Variants in RPTOR observed in about 807,000 individuals in gnomAD.
The protein encoded by RPTOR is regulatory associated protein of MTOR complex 1, also known as regulatory-associated protein of mTOR.
RPTOR carries 21 observed loss-of-function variants against 169.9 expected under a neutral mutation model. That is an observed-to-expected ratio of 0.12 (90% CI 0.09 to 0.18). RPTOR has a LOEUF of 0.18. RPTOR is among the 10% of genes least tolerant of loss of function. The probability of loss-of-function intolerance (pLI) is 1.00; values close to 1 mark genes in which losing one functional copy is unlikely to be tolerated. For synonymous variants in RPTOR, 732 were observed against 753.2 expected, an observed-to-expected ratio of 0.97 and a Z score of 0.46; for missense variants, 1,133 against 1,855.9, an observed-to-expected ratio of 0.61 and a Z score of 7.16.
chr17:80,962,853 G>A (rs533558522), intron 32 of RPTOR, 75 bp from the exon 33 acceptor site: 53 of 1,595,836 alleles, frequency 3.3e-5, no homozygotes, highest in Middle Eastern at 3.4e-4. Flanking sequence ...CTGTCCCCGC[G>A]GTCTCGGCAT....
intron 3 of RPTOR, among the ~76,000 whole-genome samples, chr17:80,657,970 A>G (rs2065692674): frequency 2.6e-5 from 4 of 152,148 alleles, no homozygotes; most frequent in Admixed American, 2.6e-4. Flanking sequence ...TAAGCTACAT[A>G]TTTGTTTCGT....
rs578192504 is a variant in RPTOR, at chr17:80,707,970, G to T, written c.478G>T (p.Val160Phe). Residue 160 changes from valine (V) to phenylalanine (F), a missense_variant, in exon 4 of 34, where the codon GTC becomes TTC. Transcript: ENST00000306801. The surrounding 1 kb of genome is among the most constrained non-coding windows in gnomAD (Gnocchi z 5.0). ...YNGHGVPRPT[V>F]NGEVWVFNKN... ...TGGCCACGGGGTGCCCCGGCCCACA[G>T]TCAACGGGGAGGTCTGGGTCTTCAA... The T allele has an allele frequency of 2.5e-6, 4 of 1,613,584 alleles. No homozygotes were observed. The highest frequency in any genetic ancestry group is 2.2e-5 in the South Asian group (2 of 91,016).
intron 6 of RPTOR, among the ~76,000 whole-genome samples, chr17:80,787,559 G>A (rs1048768504): frequency 2.0e-5 from 3 of 152,228 alleles, no homozygotes; most frequent in African/African-American, 7.2e-5. Context: ...CCGGATCATA[G>A]TGTATAGGAA....
intron 20 of RPTOR, among the ~76,000 whole-genome samples, chr17:80,904,398 ACT>A (rs1435542169): frequency 1.3e-5 from 2 of 151,670 alleles, no homozygotes; most frequent in Non-Finnish European, 2.9e-5. Flanking sequence ...CTGCAGGAAG[ACT>A]CTGTCTTCTC....
At position 80,575,236 on chromosome 17, in the gene RPTOR, C is replaced by T. The variant is rs550429597; in HGVS notation, c.162+29445C>T. ...CCCAGGCTGGTCTTGAATCCTGGCTCCTTCCGCCTTGGCCTCCCAAAGTGC... is the reference window on the plus strand; with the variant it reads ...CCCAGGCTGGTCTTGAATCCTGGCTTCTTCCGCCTTGGCCTCCCAAAGTGC... On this transcript the variant is annotated intron_variant, in intron 1 of 33. Coordinates refer to ENST00000306801, the MANE Select transcript of RPTOR (RefSeq NM_020761.3). Among the ~76,000 whole-genome samples the T allele has an allele frequency of 4.0e-4, 61 of 152,114 alleles. 1 individual carries two copies. Among genetic ancestry groups the T allele is most frequent in the African/African-American group, 1.4e-3 (57 of 41,476 alleles).
chr17:80,583,920 G>A (rs922538330), intron 1 of RPTOR, among the ~76,000 whole-genome samples: 3 of 152,140 alleles, frequency 2.0e-5, no homozygotes, highest in African/African-American at 7.2e-5. Context: ...AGGCAGTGGC[G>A]GAGGGTGTCC....
intron 7 of RPTOR, among the ~76,000 whole-genome samples, chr17:80,807,655 C>A (rs1436513478): frequency 6.6e-6 from 1 of 151,988 alleles, no homozygotes; most frequent in African/African-American, 2.4e-5. Flanking sequence ...CCCGGCCAAG[C>A]CCCTTTTTTT....
intron 4 of RPTOR, among the ~76,000 whole-genome samples, chr17:80,715,684 T>G (rs147241329): frequency 2.5e-4 from 37 of 148,446 alleles, no homozygotes; most frequent in South Asian, 2.2e-4. Context: ...TGTGAGATTT[T>G]GCTGCACCCT....
chr17:80,938,113 C>T (rs1252148826), intron 24 of RPTOR, among the ~76,000 whole-genome samples: 2 of 152,260 alleles, frequency 1.3e-5, no homozygotes, highest in African/African-American at 4.8e-5. Context: ...CTTGCAGTGC[C>T]GTGGCAACAG....
At chr17:80,809,049 A>G (rs1203354235) in intron 7 of RPTOR, among the ~76,000 whole-genome samples, 1 of 152,190 alleles carries the variant, frequency 6.6e-6, no homozygotes, top group Non-Finnish European at 1.5e-5. Context: ...GCTTGGTCAT[A>G]TGGTAGGTGT....
intron 5 of RPTOR, among the ~76,000 whole-genome samples, chr17:80,732,886 A>G (rs1250151548): frequency 6.6e-6 from 1 of 152,258 alleles, no homozygotes; most frequent in Non-Finnish European, 1.5e-5. Context: ...TTGTAAATTT[A>G]CAATATGTTT....
chr17:80,846,641 C>A, intron 11 of RPTOR, 67 bp downstream of exon 11: 1 of 1,337,118 alleles, frequency 7.5e-7, no homozygotes, highest in Non-Finnish European at 1.1e-6. Flanking sequence ...GCCTGTACAG[C>A]CCCGGGAGTG....
intron 1 of RPTOR, among the ~76,000 whole-genome samples, chr17:80,596,751 A>T (rs1315608633): frequency 1.3e-5 from 2 of 151,992 alleles, no homozygotes; most frequent in African/African-American, 4.8e-5. Flanking sequence ...TTTTTCTCTT[A>T]TTTCAATGGA....
chr17:80,906,908 C>T (rs914666123), intron 20 of RPTOR, among the ~76,000 whole-genome samples: 2 of 152,204 alleles, frequency 1.3e-5, no homozygotes, highest in East Asian at 1.9e-4. Context: ...GACCTCTGCA[C>T]TCACGGTGGG....
Position 80,743,753 on chromosome 17 carries a change from GGCTACTAGCACTC to G in RPTOR, c.655-10256_655-10244del, listed in dbSNP as rs2066513071. ...CAGCCCTGGCTACTAGCAGAGCCCT[GGCTACTAGCACTC>G]TCCTGGTTACTAGCAGAGCCCTGGC... is the stretch of plus-strand genomic sequence containing the variant. On this transcript the variant is annotated intron_variant, in intron 5 of 33. Coordinates refer to ENST00000306801, the MANE Select transcript of RPTOR (RefSeq NM_020761.3). 8.5e-3 allele frequency among the ~76,000 whole-genome samples: 1,166 copies of G among 137,830 alleles called. 5 individuals are homozygous for G. The highest frequency in any genetic ancestry group is 0.032 in the African/African-American group (1,112 of 34,306). 90.4% of individuals were successfully genotyped at this position (137,830 alleles called of 152,430 possible). A position where few individuals can be genotyped will look rare whatever the true frequency, so the allele number is the denominator to read the frequency against.
At chr17:80,831,865 C>T (rs1197062685) in intron 9 of RPTOR, among the ~76,000 whole-genome samples, 1 of 112,780 alleles carries the variant, frequency 8.9e-6, no homozygotes, top group Non-Finnish European at 1.8e-5. Context: ...GCCTGTATGT[C>T]ACCGTGTATC....
At position 80,617,987 on chromosome 17, in the gene RPTOR, C is replaced by CTTTTTTTTTTTTTTTT. The variant is rs1197342364; in HGVS notation, c.163-7693_163-7692insTTTTTTTTTTTTTTTT. Among the ~76,000 whole-genome samples, 22 of 146,446 alleles carry CTTTTTTTTTTTTTTTT rather than the reference C, an allele frequency of 1.5e-4. 2 individuals are homozygous for CTTTTTTTTTTTTTTTT. Among genetic ancestry groups the CTTTTTTTTTTTTTTTT allele is most frequent in the African/African-American group, 5.4e-4 (21 of 39,148 alleles). On this transcript the variant is annotated intron_variant, in intron 1 of 33. Transcript: ENST00000306801. ...TTTAGTTTGCTTAAAATAGTTACAA[C>CTTTTTTTTTTTTTTTT]TTTTTTTTTTTAAGACGGGGTCTTG...
chr17:80,691,683 G>A (rs530014413), intron 3 of RPTOR, among the ~76,000 whole-genome samples: 60 of 152,226 alleles, frequency 3.9e-4, no homozygotes, highest in Non-Finnish European at 1.6e-4. Flanking sequence ...TCTACCCTAG[G>A]CCTGAAATCA....
intron 13 of RPTOR, among the ~76,000 whole-genome samples, chr17:80,870,313 G>A (rs1251166895): frequency 1.3e-5 from 2 of 152,198 alleles, no homozygotes; most frequent in African/African-American, 4.8e-5. Context: ...GTCCCCGGAA[G>A]GAACCCGCAC....
Sources: allele counts gnomAD v4.1 joint callset (sites outside exome capture counted in the v4.1 genomes callset), GRCh38; gene constraint gnomAD v4.1.1; non-coding constraint Gnocchi (gnomAD v3.1); transcripts MANE v1.5; gene names NCBI Gene and HGNC (gene_info 2026-07-23, HGNC 2026-07-21).